The following MAGI1 variants were observed in gnomAD, a reference collection of about 807,000 sequenced individuals.
MAGI1 encodes the protein membrane associated guanylate kinase, WW and PDZ domain containing 1, also known as membrane-associated guanylate kinase, WW and PDZ domain-containing protein 1.
A neutral mutation model predicts 139.9 loss-of-function variants in MAGI1; 58 were observed. The observed-to-expected ratio is 0.41, with a 90% confidence interval of 0.34 to 0.52. The LOEUF (loss-of-function observed/expected upper bound fraction) is 0.52, where lower values mean the gene tolerates loss of function less well. Ranked by LOEUF, MAGI1 falls within the 20% of genes least tolerant of loss-of-function variation. MAGI1 has a pLI of 0.12. For missense variants in MAGI1, 1,874 were observed against 1,901.6 expected (o/e 0.99, Z 0.27); for synonymous variants, 812 against 737.9 (o/e 1.10, Z -1.63).
chr3:65,826,006 A>G (rs1463648062), intron 1 of MAGI1, among the ~76,000 whole-genome samples: 1 of 151,914 alleles, frequency 6.6e-6, no homozygotes, highest in African/African-American at 2.4e-5. Context: ...TAATAATAAA[A>G]TTTTTGAATT....
At chr3:65,729,342 A>G (rs1232074135) in intron 1 of MAGI1, among the ~76,000 whole-genome samples, 1 of 152,222 alleles carries the variant, frequency 6.6e-6, no homozygotes, top group East Asian at 1.9e-4. Context: ...GAAAGTTCTC[A>G]ATGACTTCAG....
At chr3:65,448,200 C>A in intron 6 of MAGI1, 143 bp from the exon 7 acceptor site, 1 of 777,526 alleles carries the variant, frequency 1.3e-6, no homozygotes, top group East Asian at 2.5e-5. Context: ...TGGCTTATTT[C>A]ATTGGCTTGG....
rs371118943 is a variant in MAGI1, at chr3:65,910,718, A to G, written c.313+127278T>C. 2.2e-4 allele frequency among the ~76,000 whole-genome samples: 33 copies of G among 152,286 alleles called. No individual in the cohort carries two copies. The South Asian group carries it at 3.3e-3, about 15-fold the overall frequency. ...TCTACAGTAGCTTCCTATCACTTTC[A>G]GGCCATAATCCCAAAATACCTCTTT... On this transcript the variant is annotated intron_variant, in intron 1 of 22. Coordinates refer to ENST00000402939, the MANE Select transcript of MAGI1 (RefSeq NM_001033057.2).
intron 1 of MAGI1, among the ~76,000 whole-genome samples, chr3:66,010,661 C>G (rs1478458376): frequency 6.6e-6 from 1 of 152,190 alleles, no homozygotes; most frequent in African/African-American, 2.4e-5. Context: ...CTTTGAAAAT[C>G]CCAAACACCC....
intron 18 of MAGI1, 61 bp downstream of exon 18, chr3:65,375,684 A>G: frequency 7.4e-7 from 1 of 1,349,844 alleles, no homozygotes; most frequent in African/African-American, 1.5e-5. Context: ...AGAAAAGGAA[A>G]AGACAGAGAC....
chr3:65,532,490 A>G (rs1478720273), intron 2 of MAGI1, among the ~76,000 whole-genome samples: 1 of 152,194 alleles, frequency 6.6e-6, no homozygotes, highest in Non-Finnish European at 1.5e-5. Context: ...AAACAATTAC[A>G]TTCTATCAAT....
At chr3:65,393,695 A>G (rs1298194696) in intron 13 of MAGI1, among the ~76,000 whole-genome samples, 1 of 152,186 alleles carries the variant, frequency 6.6e-6, no homozygotes, top group Non-Finnish European at 1.5e-5. Context: ...TCCTCAAATT[A>G]ATAGATGCCA....
chr3:65,494,395 A>G (rs2107673582), intron 2 of MAGI1, among the ~76,000 whole-genome samples: 1 of 152,336 alleles, frequency 6.6e-6, no homozygotes, highest in South Asian at 2.1e-4. Flanking sequence ...GTGCTGGGCT[A>G]TGGATTTATC....
At chr3:65,523,195 C>G (rs2078239280) in intron 2 of MAGI1, among the ~76,000 whole-genome samples, 1 of 152,130 alleles carries the variant, frequency 6.6e-6, no homozygotes, top group South Asian at 2.1e-4. Context: ...GTGTATGATA[C>G]TATTACCATA....
At position 65,437,778 on chromosome 3, in the gene MAGI1, T is replaced by A. The variant is rs186724599; in HGVS notation, c.1271-531A>T. On this transcript the variant is annotated intron_variant, in intron 9 of 22. Transcript: ENST00000402939. Reference sequence around the variant, plus strand: ...GACATAACTCACAGTGAGTGACCCTTGAGATGGCACCCCAGAATCACTTCC... The same window carrying A: ...GACATAACTCACAGTGAGTGACCCTAGAGATGGCACCCCAGAATCACTTCC... Among the ~76,000 whole-genome samples, 1,116 of 152,286 alleles carry A rather than the reference T, an allele frequency of 7.3e-3. 10 individuals carry two copies. Among genetic ancestry groups the A allele is most frequent in the Middle Eastern group, 0.034 (10 of 294 alleles).
intron 2 of MAGI1, among the ~76,000 whole-genome samples, chr3:65,587,799 G>A (rs1011465431): frequency 3.3e-5 from 5 of 152,066 alleles, no homozygotes; most frequent in African/African-American, 1.2e-4. Context: ...CCATTTTAAA[G>A]TTGAGAGATT....
chr3:65,541,179 G>A (rs1358213757), intron 2 of MAGI1, among the ~76,000 whole-genome samples: 3 of 152,038 alleles, frequency 2.0e-5, no homozygotes, highest in Non-Finnish European at 2.9e-5. Flanking sequence ...AGAAGAAATG[G>A]ACAAATTCCT....
intron 13 of MAGI1, 67 bp downstream of exon 13, chr3:65,401,372 T>TCCCCCCA: frequency 1.3e-6 from 1 of 778,306 alleles, no homozygotes; most frequent in Non-Finnish European, 2.1e-6. Flanking sequence ...CAGAGTACCC[T>TCCCCCCA]CCCACCTCCA....
At chr3:65,859,049 C>G (rs1021528933) in intron 1 of MAGI1, among the ~76,000 whole-genome samples, 1 of 152,290 alleles carries the variant, frequency 6.6e-6, no homozygotes. Context: ...AATGCTAAAA[C>G]TGGCTAGGCA....
intron 1 of MAGI1, among the ~76,000 whole-genome samples, chr3:65,784,530 C>T (rs543753247): frequency 6.6e-6 from 1 of 152,212 alleles, no homozygotes; most frequent in South Asian, 2.1e-4. Context: ...ACGGTGAAAC[C>T]CTGTCTCTAC....
intron 2 of MAGI1, among the ~76,000 whole-genome samples, chr3:65,606,704 G>A (rs2082760288): frequency 6.6e-6 from 1 of 152,162 alleles, no homozygotes; most frequent in Non-Finnish European, 1.5e-5. Flanking sequence ...TTTCAGTAGA[G>A]ATGGGGTTTC....
At chr3:65,482,108 A>C (rs2107627230) in intron 3 of MAGI1, among the ~76,000 whole-genome samples, 1 of 152,322 alleles carries the variant, frequency 6.6e-6, no homozygotes, top group South Asian at 2.1e-4. Context: ...GAGCCTTGGC[A>C]CACCATATCA....
At chr3:65,466,452 G>A (rs1231118654) in intron 5 of MAGI1, among the ~76,000 whole-genome samples, 5 of 152,106 alleles carry the variant, frequency 3.3e-5, no homozygotes, top group Admixed American at 6.6e-5. Context: ...TGTTGACACC[G>A]GAGAGGGGAA....
At chr3:65,933,696 G>A (rs565848343) in intron 1 of MAGI1, among the ~76,000 whole-genome samples, 2 of 152,302 alleles carry the variant, frequency 1.3e-5, no homozygotes, top group African/African-American at 4.8e-5. Flanking sequence ...GATTAGGATA[G>A]ATACTCCTTG....
Sources: gnomAD v4.1 joint callset for allele counts (sites outside exome capture counted in the v4.1 genomes callset) on GRCh38, gnomAD v4.1.1 for gene constraint, MANE v1.5 for transcripts, NCBI Gene and HGNC (gene_info 2026-07-23, HGNC 2026-07-21) for gene names.